The following SLC12A1 variants were observed in gnomAD, a reference collection of about 807,000 sequenced individuals.
SLC12A1 encodes solute carrier family 12 member 1.
Under a neutral mutation model 130.4 loss-of-function variants are expected in SLC12A1, and 89 were observed. The ratio of observed to expected loss-of-function variants is 0.68; its 90% confidence interval spans 0.58 to 0.81. The LOEUF (loss-of-function observed/expected upper bound fraction) is 0.81. Ranked by LOEUF, SLC12A1 falls within the 40% of genes least tolerant of loss-of-function variation. The probability of loss-of-function intolerance (pLI) is 0.00; values close to 1 mark genes in which losing one functional copy is unlikely to be tolerated. For missense variants in SLC12A1, 1,310 were observed against 1,336.4 expected (o/e 0.98, Z 0.31); for synonymous variants, 499 against 460.0 (o/e 1.08, Z -1.09).
intron 14 of SLC12A1, 74 bp from the exon 15 acceptor site, chr15:48,251,541 C>G (rs762263499): frequency 5.9e-6 from 7 of 1,182,754 alleles, no homozygotes; most frequent in Non-Finnish European, 8.8e-6. Context: ...AGGCATGTTA[C>G]CTGCATTCTT....
Position 48,251,650 on chromosome 15 carries a change from G to T in SLC12A1, c.1822G>T (p.Val608Leu), listed in dbSNP as rs1309451069. The change falls in exon 15 of 27, where the codon GTA (valine) becomes TTA (leucine). Residue 608 changes from valine (V) to leucine (L), a missense_variant. Transcript: ENST00000380993. ...TGCGTATGGAATTTACAACATGTGGGTATCTCTTTTTGGAGCTGTTTTGTG... is the reference window on the plus strand; with the variant it reads ...TGCGTATGGAATTTACAACATGTGGTTATCTCTTTTTGGAGCTGTTTTGTG... ...RPAYGIYNMWVSLFGAVLCCA... is the reference protein window; with the variant it reads ...RPAYGIYNMWLSLFGAVLCCA... The T allele has an allele frequency of 1.2e-6, 2 of 1,613,594 alleles. No homozygotes were observed. Among genetic ancestry groups the T allele is most frequent in the Non-Finnish European group, 1.7e-6 (2 of 1,179,704 alleles).
At chr15:48,227,643 A>G (rs1351921520) in intron 5 of SLC12A1, 1 of 158,720 alleles carries the variant, frequency 6.3e-6, no homozygotes, top group Non-Finnish European at 1.4e-5. Flanking sequence ...GAAGGGAATA[A>G]ACAAATAAAT....
At chr15:48,229,459 C>A (rs1482462300) in intron 6 of SLC12A1, 131 bp downstream of exon 6, 17 of 870,718 alleles carry the variant, frequency 2.0e-5, no homozygotes, top group Admixed American at 2.8e-5. Flanking sequence ...GGAGCCTGGG[C>A]TTGGCATCAG....
chr15:48,280,026 C>T (rs1030268099), intron 20 of SLC12A1, among the ~76,000 whole-genome samples: 82 of 152,030 alleles, frequency 5.4e-4, no homozygotes, highest in Non-Finnish European at 5.9e-5. Context: ...AAAAAGGATG[C>T]TGTAAAATGG....
intron 22 of SLC12A1, 71 bp from the exon 23 acceptor site, chr15:48,288,334 A>T: frequency 9.4e-7 from 1 of 1,061,692 alleles, no homozygotes; most frequent in Non-Finnish European, 1.4e-6. Flanking sequence ...GGTAATGAAT[A>T]AAGATATAAA....
intron 11 of SLC12A1, among the ~76,000 whole-genome samples, 196 bp from the exon 12 acceptor site, chr15:48,246,713 G>C (rs1417887321): frequency 6.6e-6 from 1 of 152,194 alleles, no homozygotes; most frequent in Non-Finnish European, 1.5e-5. Flanking sequence ...CCGGGAGGCA[G>C]CGGTTGCAGT....
rs776749406 is a variant in SLC12A1 at position 48,288,441 on chromosome 15, G to GA, written c.2805dup (p.Trp936MetfsTer5). 8 of 1,550,136 alleles carry GA rather than the reference G, an allele frequency of 5.2e-6. No individual in the cohort carries two copies. The highest frequency in any genetic ancestry group is 1.2e-5 in the South Asian group (1 of 84,228). ...CTTATCCCCTATATCTTAACTCTCAGAAAAAAATGGAAAGACTGTAAATTA... is the reference window on the plus strand; with the variant it reads ...CTTATCCCCTATATCTTAACTCTCAGAAAAAAAATGGAAAGACTGTAAATTA... On this transcript the variant is annotated frameshift_variant, in exon 23 of 27. Transcript: ENST00000380993. LOFTEE classifies it high-confidence loss of function.
intron 17 of SLC12A1, among the ~76,000 whole-genome samples, chr15:48,267,357 T>C (rs1044800672): frequency 5.9e-5 from 9 of 152,106 alleles, no homozygotes; most frequent in African/African-American, 2.2e-4. Context: ...GTCTAGATGT[T>C]TTGGGTAGAA....
intron 2 of SLC12A1, among the ~76,000 whole-genome samples, chr15:48,216,737 G>A (rs2041126027): frequency 1.3e-5 from 2 of 152,098 alleles, no homozygotes; most frequent in African/African-American, 2.4e-5. Context: ...AATAGTCATG[G>A]ACATTTTAAC....
Position 48,301,369 on chromosome 15 carries a change from A to G in SLC12A1, c.3151A>G (p.Asn1051Asp), listed in dbSNP as rs762657594. 1.9e-6 allele frequency: 3 copies of G among 1,590,506 alleles called. No individual in the cohort carries two copies. Among genetic ancestry groups the G allele is most frequent in the Non-Finnish European group, 1.7e-6 (2 of 1,167,254 alleles). Residue 1051 changes from asparagine (N) to aspartate (D), a missense_variant, in exon 26 of 27, where the codon AAT (asparagine) becomes GAT (aspartate). Physicochemically the swap from Asn to Asp is conservative, Grantham distance 23 (BLOSUM62 1). Coordinates refer to ENST00000380993, the MANE Select transcript of SLC12A1 (RefSeq NM_000338.3). The part of the protein sequence containing the change: ...ELLQEHSRAA[N>D]LIVLSLPVAR... Reference sequence around the variant, plus strand: ...CTTACAGGAGCACTCCAGAGCTGCTAATCTCATTGTCCTGTAAGTATCATT... The same window carrying G: ...CTTACAGGAGCACTCCAGAGCTGCTGATCTCATTGTCCTGTAAGTATCATT...
In SLC12A1 at chr15:48,299,162, A is replaced by G. The variant is rs1290068308; in HGVS notation, c.2983A>G (p.Ile995Val). The G allele has an allele frequency of 6.2e-7, 1 of 1,605,322 alleles. No individual in the cohort carries two copies. The highest frequency in any genetic ancestry group is 1.3e-5 in the African/African-American group (1 of 74,300). The change falls in exon 25 of 27, where the codon ATT becomes GTT. Residue 995 changes from isoleucine to valine, a missense_variant. Physicochemically the swap from Ile to Val is conservative, Grantham distance 29 (BLOSUM62 3). Transcript: ENST00000380993. The stretch of plus-strand genomic sequence containing the variant: ...TAGCTGGAAAGTCTTTGAAGAGATG[A>G]TTGAACCATATCGTCTCCATGAAAG... ...KESWKVFEEM[I>V]EPYRLHESCK... is the part of the protein sequence containing the mutation.
chr15:48,241,018 A>T (rs1195428751), intron 9 of SLC12A1, among the ~76,000 whole-genome samples: 2 of 152,114 alleles, frequency 1.3e-5, no homozygotes, highest in African/African-American at 2.4e-5. Context: ...CAAATAGGGG[A>T]TTTAAGGGAT....
chr15:48,239,515 A>AAATAAATAAATAAAT (rs2041477134), intron 9 of SLC12A1, among the ~76,000 whole-genome samples: 24 of 143,718 alleles, frequency 1.7e-4, no homozygotes, highest in African/African-American at 6.3e-4. Context: ...AACCCATCTC[A>AAATAAATAAATAAAT]AAATAAATAA....
At chr15:48,275,889 A>G (rs2041947110) in intron 20 of SLC12A1, among the ~76,000 whole-genome samples, 1 of 152,216 alleles carries the variant, frequency 6.6e-6, no homozygotes, top group Admixed American at 6.5e-5. Context: ...AAGGTGGTCA[A>G]ACTTGGGTTT....
chr15:48,257,927 C>G (rs939520771), intron 16 of SLC12A1, among the ~76,000 whole-genome samples: 3 of 152,310 alleles, frequency 2.0e-5, no homozygotes, highest in Admixed American at 2.0e-4. Flanking sequence ...ATTTTTCCAA[C>G]TTTTTTGCTC....
At chr15:48,222,503 G>C (rs886455888) in intron 4 of SLC12A1, 3 of 151,914 alleles carry the variant, frequency 2.0e-5, no homozygotes, top group African/African-American at 7.2e-5. Context: ...TCTTTATATT[G>C]AAGTAGTTAA....
At chr15:48,252,488 G>A (rs1377292233) in intron 15 of SLC12A1, among the ~76,000 whole-genome samples, 2 of 152,094 alleles carry the variant, frequency 1.3e-5, no homozygotes, top group Non-Finnish European at 2.9e-5. Context: ...TCCTCAAGGA[G>A]TTCACAGAGT....
At chr15:48,210,958 A>G (rs2041045661) in intron 2 of SLC12A1, among the ~76,000 whole-genome samples, 2 of 152,202 alleles carry the variant, frequency 1.3e-5, no homozygotes, top group Non-Finnish European at 2.9e-5. Context: ...GGAATATTGT[A>G]TCACTTTTGA....
intron 9 of SLC12A1, among the ~76,000 whole-genome samples, chr15:48,235,900 A>C (rs1195827830): frequency 6.6e-6 from 1 of 152,152 alleles, no homozygotes; most frequent in African/African-American, 2.4e-5. Context: ...AGCAATTCCT[A>C]GAACTTGCAT....
Sources: gnomAD v4.1 joint callset for allele counts (sites outside exome capture counted in the v4.1 genomes callset) on GRCh38, gnomAD v4.1.1 for gene constraint, MANE v1.5 for transcripts, NCBI Gene and HGNC (gene_info 2026-07-23, HGNC 2026-07-21) for gene names.